PTH2R: variants seen among roughly 807,000 people sequenced by gnomAD.
PTH2R encodes parathyroid hormone 2 receptor, also known as PTH2 receptor.
PTH2R carries 59 observed loss-of-function variants against 60.3 expected under a neutral mutation model. The ratio of observed to expected loss-of-function variants is 0.98; its 90% CI spans 0.79 to 1.22. PTH2R has a LOEUF of 1.22. Among genes scored for constraint, PTH2R ranks in the 50% most tolerant of loss-of-function variants. The pLI is 0.00. For missense variants in PTH2R, 749 were observed against 682.6 expected (o/e 1.10, Z -1.08); for synonymous variants, 256 against 243.8 (o/e 1.05, Z -0.47).
chr2:208,369,584 T>C (rs1437370292), intron 1 of PTH2R, among the ~76,000 whole-genome samples: 1 of 151,972 alleles, frequency 6.6e-6, no homozygotes, highest in Non-Finnish European at 1.5e-5. Flanking sequence ...CAGGCTGGTC[T>C]TCACCTCAAG....
At chr2:208,431,113 CCTTTT>C (rs1418240572) in intron 2 of PTH2R, among the ~76,000 whole-genome samples, 1 of 152,054 alleles carries the variant, frequency 6.6e-6, no homozygotes, top group African/African-American at 2.4e-5. Flanking sequence ...TATGTATTTT[CCTTTT>C]CTTTGTTTCT....
intron 2 of PTH2R, 55 bp from the exon 3 acceptor site, chr2:208,437,482 T>C (rs1702096661): frequency 1.4e-6 from 2 of 1,464,018 alleles, no homozygotes; most frequent in Admixed American, 4.3e-5. Flanking sequence ...ATTTGTTCTC[T>C]GGTTCTAACT....
intron 1 of PTH2R, chr2:208,361,445 G>C (rs192495868): frequency 6.6e-6 from 1 of 152,190 alleles, no homozygotes; most frequent in Admixed American, 6.5e-5. Flanking sequence ...CCAGTGCTCT[G>C]GTTTTTTGAA....
chr2:208,424,348 T>C (rs749095049), intron 1 of PTH2R, among the ~76,000 whole-genome samples: 2 of 152,188 alleles, frequency 1.3e-5, no homozygotes, highest in Non-Finnish European at 2.9e-5. Context: ...TGTTCTTGTA[T>C]AAGTGGTTAG....
intron 4 of PTH2R, among the ~76,000 whole-genome samples, chr2:208,441,647 G>T (rs1321474320): frequency 6.6e-6 from 1 of 152,206 alleles, no homozygotes; most frequent in Non-Finnish European, 1.5e-5. Flanking sequence ...ATTAATGGTT[G>T]CCAGGTGTTT....
At chr2:208,450,417 A>T (rs1574884558) in intron 7 of PTH2R, among the ~76,000 whole-genome samples, 2 of 152,158 alleles carry the variant, frequency 1.3e-5, no homozygotes, top group African/African-American at 2.4e-5. Flanking sequence ...CAGCGTGACA[A>T]GAGTCAAAGT....
chr2:208,438,381 A>C (rs946776088), intron 4 of PTH2R, among the ~76,000 whole-genome samples: 1 of 152,164 alleles, frequency 6.6e-6, no homozygotes, highest in African/African-American at 2.4e-5. Flanking sequence ...GGCATCATAT[A>C]AATCTTCCAG....
At chr2:208,429,708 G>A (rs1007459564) in intron 2 of PTH2R, among the ~76,000 whole-genome samples, 5 of 151,912 alleles carry the variant, frequency 3.3e-5, no homozygotes, top group African/African-American at 1.2e-4. Context: ...GCATTGTTGT[G>A]CAATCAGTCT....
chr2:208,479,232 G>C (rs1703090704), intron 9 of PTH2R, among the ~76,000 whole-genome samples: 1 of 152,044 alleles, frequency 6.6e-6, no homozygotes, highest in Non-Finnish European at 1.5e-5. Context: ...TTCTGGGGGT[G>C]GGGGGTGCAG....
chr2:208,492,180 C>T (rs996492464), intron 12 of PTH2R, among the ~76,000 whole-genome samples: 3 of 152,190 alleles, frequency 2.0e-5, no homozygotes, highest in Non-Finnish European at 4.4e-5. Context: ...TTTGCAGTGC[C>T]TGCTTTTCTA....
intron 8 of PTH2R, among the ~76,000 whole-genome samples, chr2:208,454,621 C>T (rs1235761185): frequency 6.6e-6 from 1 of 152,150 alleles, no homozygotes; most frequent in Non-Finnish European, 1.5e-5. Flanking sequence ...AGCCACCCAG[C>T]CTGTGGTATT....
intron 1 of PTH2R, among the ~76,000 whole-genome samples, chr2:208,386,980 T>A (rs1701014874): frequency 6.6e-6 from 1 of 152,208 alleles, no homozygotes; most frequent in Admixed American, 6.5e-5. Flanking sequence ...GAAAGATCAT[T>A]AATGAGCAGA....
chr2:208,376,641 A>T (rs1046319546), intron 1 of PTH2R, among the ~76,000 whole-genome samples: 3 of 152,106 alleles, frequency 2.0e-5, no homozygotes, highest in African/African-American at 7.3e-5. Context: ...AATAAGAGTA[A>T]GAAAAAAGAA....
At position 208,442,457 on chromosome 2, in the gene PTH2R, T is replaced by C. The variant is rs777204653; in HGVS notation, c.505T>C (p.Phe169Leu). ...TGTGGCTATTCTCATCATTGGTTAC[T>C]TCAGGTGAGTGATGCCCATCACTTT... ...LAVAILIIGY[F>L]RRLHCTRNYI... Residue 169 changes from phenylalanine (F) to leucine (L), a missense_variant, in exon 5 of 13, where the codon TTC (phenylalanine) becomes CTC (leucine). By Grantham distance (22) the Phe-to-Leu change is conservative. Coordinates refer to ENST00000272847, the MANE Select transcript of PTH2R (RefSeq NM_005048.4). 1.1e-5 allele frequency: 18 copies of C among 1,599,526 alleles called. No individual in the cohort carries two copies. Among genetic ancestry groups the C allele is most frequent in the Non-Finnish European group, 1.2e-5 (14 of 1,166,872 alleles).
At chr2:208,379,449 A>G (rs558872874) in intron 1 of PTH2R, among the ~76,000 whole-genome samples, 1 of 152,298 alleles carries the variant, frequency 6.6e-6, no homozygotes, top group African/African-American at 2.4e-5. Flanking sequence ...ATAAAAAAAT[A>G]AAAATGGAAC....
At chr2:208,444,287 T>C (rs1702244988) in intron 6 of PTH2R, among the ~76,000 whole-genome samples, 1 of 152,192 alleles carries the variant, frequency 6.6e-6, no homozygotes, top group African/African-American at 2.4e-5. Context: ...TCCACAGATT[T>C]CTAAGATATG....
At chr2:208,363,631 C>T (rs1288753302) in intron 1 of PTH2R, among the ~76,000 whole-genome samples, 1 of 152,214 alleles carries the variant, frequency 6.6e-6, no homozygotes, top group Admixed American at 6.5e-5. Flanking sequence ...TACATTCCCA[C>T]CAGCAGTGTC....
At chr2:208,378,359 C>T (rs974059640) in intron 1 of PTH2R, among the ~76,000 whole-genome samples, 3 of 151,860 alleles carry the variant, frequency 2.0e-5, no homozygotes, top group Non-Finnish European at 2.9e-5. Flanking sequence ...AGAGGGATAC[C>T]GTGGAAAGAG....
At position 208,494,396 on chromosome 2, in the gene PTH2R, T is replaced by C. The variant is rs931169173; in HGVS notation, c.*737T>C. On this transcript the variant is annotated 3_prime_UTR_variant, in exon 13 of 13. Transcript: ENST00000272847. ...CTTGTGTCTGCAAATTGATTTTGTT[T>C]GTAATGTATTTTGATAGCAAATCAT... is the stretch of plus-strand genomic sequence containing the variant. 6.6e-6 allele frequency: 1 copy of C among 152,258 alleles called. No individual in the cohort carries two copies. Among genetic ancestry groups the C allele is most frequent in the African/African-American group, 2.4e-5 (1 of 41,466 alleles). The allele number at this position is 152,258 out of a possible 1,614,324, so 9.4% of individuals were successfully genotyped here. A position where few individuals can be genotyped will look rare whatever the true frequency, so the allele number is the denominator to read the frequency against.
Sources: allele counts gnomAD v4.1 joint callset (sites outside exome capture counted in the v4.1 genomes callset), GRCh38; gene constraint gnomAD v4.1.1; transcripts MANE v1.5; gene names NCBI Gene and HGNC (gene_info 2026-07-23, HGNC 2026-07-21).